KIAA0319: variants seen among roughly 807,000 people sequenced by gnomAD.
KIAA0319 encodes the protein KIAA0319.
A neutral mutation model predicts 108.4 loss-of-function variants in KIAA0319; 83 were observed. That is an observed-to-expected ratio of 0.77 (90% CI 0.64 to 0.92). The LOEUF (loss-of-function observed/expected upper bound fraction) is 0.92. Ranked by LOEUF, KIAA0319 falls within the 40% of genes least tolerant of loss-of-function variation. The pLI is 0.00. For synonymous variants in KIAA0319, 484 were observed against 510.4 expected (o/e 0.95, Z 0.70); for missense variants, 1,195 against 1,322.4 (o/e 0.90, Z 1.49).
intron 1 of KIAA0319, among the ~76,000 whole-genome samples, chr6:24,612,815 T>C (rs985212174): frequency 3.3e-5 from 5 of 152,140 alleles, no homozygotes; most frequent in Non-Finnish European, 4.4e-5. Flanking sequence ...GTTGTTGTTT[T>C]TGAGACTGAG....
intron 12 of KIAA0319, among the ~76,000 whole-genome samples, 193 bp from the exon 13 acceptor site, chr6:24,569,122 A>G (rs942758287): frequency 3.3e-5 from 5 of 152,236 alleles, no homozygotes; most frequent in African/African-American, 1.2e-4. Context: ...TATCTCAGGC[A>G]GAGTCTGCTG....
rs1301830573 is a variant in KIAA0319 at position 24,563,356 on chromosome 6, T to C, written c.2591+3A>G. On this transcript the variant is annotated splice_donor_region_variant and intron_variant, in intron 16 of 20. Coordinates refer to ENST00000378214, the MANE Select transcript of KIAA0319 (RefSeq NM_014809.4). ...GGCCCCGCCTTGAGTGTGCAGCTCCTACCTGAGATCCGAGTGGGCCCGAAT... is the reference window on the plus strand; with the variant it reads ...GGCCCCGCCTTGAGTGTGCAGCTCCCACCTGAGATCCGAGTGGGCCCGAAT... The C allele has an allele frequency of 4.3e-6, 7 of 1,611,548 alleles. No homozygotes were observed. Among genetic ancestry groups the C allele is most frequent in the Admixed American group, 1.7e-5 (1 of 59,858 alleles).
rs757441883 is a variant in KIAA0319, at chr6:24,580,993, G to A, written c.1212C>T (p.Val404=). 6 of 1,610,680 alleles carry A rather than the reference G, an allele frequency of 3.7e-6. No individual in the cohort carries two copies. The highest frequency in any genetic ancestry group is 4.2e-6 in the Non-Finnish European group (5 of 1,177,196). ...TTTCACTAGAAACAGTGACTTTGAA[G>A]ACATAAAGTCCGACGGACAACTGTA... is the stretch of plus-strand genomic sequence containing the variant. The part of the protein sequence containing the change: ...NLSQLSVGLY[V]FKVTVSSENA... Residue 404 remains valine (V), a synonymous_variant, in exon 7 of 21, where the codon GTC becomes GTT. Coordinates refer to ENST00000378214, the MANE Select transcript of KIAA0319 (RefSeq NM_014809.4).
At chr6:24,580,879 T>G in intron 7 of KIAA0319, 47 bp downstream of exon 7, 19 of 1,292,480 alleles carry the variant, frequency 1.5e-5, no homozygotes, top group Non-Finnish European at 1.9e-5. Context: ...CACCAAAAAT[T>G]GAGATAAATA....
intron 1 of KIAA0319, among the ~76,000 whole-genome samples, chr6:24,609,158 C>T (rs1039296567): frequency 6.7e-6 from 1 of 150,116 alleles, no homozygotes; most frequent in African/African-American, 2.5e-5. Flanking sequence ...ATCCCAGCTA[C>T]TCAGGAGGCT....
intron 16 of KIAA0319, among the ~76,000 whole-genome samples, chr6:24,562,756 T>C (rs973000549): frequency 6.6e-6 from 1 of 152,142 alleles, no homozygotes; most frequent in Non-Finnish European, 1.5e-5. Context: ...GGAGAATCAC[T>C]TGAATCTGAA....
chr6:24,631,896 GGCTGGAT>G (rs1457749329), intron 1 of KIAA0319, among the ~76,000 whole-genome samples: 1 of 152,236 alleles, frequency 6.6e-6, no homozygotes, highest in Non-Finnish European at 1.5e-5. Context: ...CAGGCCCAGA[GGCTGGAT>G]GCTTTCTATG....
At position 24,646,128 on chromosome 6, in the gene KIAA0319, G is replaced by A. The variant is rs910184235; in HGVS notation, c.-498C>T. ...AGGTGGAGCAAGGTTGCACCCCCGG[G>A]GGATCCCCGCCCACCGCCCGCGGCA... On this transcript the variant is annotated 5_prime_UTR_variant, in exon 1 of 21. Transcript: ENST00000378214. 15 of 152,164 alleles carry A rather than the reference G, an allele frequency of 9.9e-5. No individual in the cohort carries two copies. The highest frequency in any genetic ancestry group is 3.6e-4 in the African/African-American group (15 of 41,412). The allele number at this position is 152,164 out of a possible 1,614,324, so 9.4% of individuals were successfully genotyped here.
rs1405370672 is a variant in KIAA0319 at position 24,599,021 on chromosome 6, C to G, written c.55+2028G>C. The G allele has an allele frequency of 7.4e-5, 53 of 719,428 alleles. No individual in the cohort carries two copies. In the Admixed American group the frequency reaches 9.2e-4, roughly 12 times the overall value. The allele number at this position is 719,428 out of a possible 1,614,324, so 44.6% of individuals were successfully genotyped here. ...AAGGGCTGAATAACGAGATCAACTTCCTCAGGCAGCTGTATGAAGAGGAGA... is the reference window on the plus strand; with the variant it reads ...AAGGGCTGAATAACGAGATCAACTTGCTCAGGCAGCTGTATGAAGAGGAGA... On this transcript the variant is annotated intron_variant, in intron 2 of 20. Coordinates refer to ENST00000378214, the MANE Select transcript of KIAA0319 (RefSeq NM_014809.4). This position sits in a 1 kb window ranked among gnomAD's most constrained non-coding sequence, Gnocchi z 4.1.
chr6:24,608,020 G>A (rs975523588), intron 1 of KIAA0319, among the ~76,000 whole-genome samples: 7 of 151,984 alleles, frequency 4.6e-5, no homozygotes, highest in Admixed American at 2.0e-4. Flanking sequence ...TATCCACATC[G>A]CTTCAAATTC....
At chr6:24,640,843 G>A (rs972024227) in intron 1 of KIAA0319, among the ~76,000 whole-genome samples, 2 of 151,580 alleles carry the variant, frequency 1.3e-5, no homozygotes, top group Non-Finnish European at 1.5e-5. Context: ...TTGTGGAGAC[G>A]AGGTTTCACC....
At position 24,642,811 on chromosome 6, in the gene KIAA0319, C is replaced by T. The variant is rs369636983; in HGVS notation, c.-106+2925G>A. ...TGGGCTCACCGCAACCTCCGCCTCC[C>T]GGAGTTCAAGTGATTCGCCTGCCTC... On this transcript the variant is annotated intron_variant, in intron 1 of 20. Transcript: ENST00000378214. 2.5e-3 allele frequency among the ~76,000 whole-genome samples: 376 copies of T among 152,166 alleles called. 2 individuals carry two copies. The highest frequency in any genetic ancestry group is 8.5e-3 in the African/African-American group (354 of 41,518).
In KIAA0319 at chr6:24,599,451, A is replaced by G. The variant is rs1770270299; in HGVS notation, c.55+1598T>C. On this transcript the variant is annotated intron_variant, in intron 2 of 20. Coordinates refer to ENST00000378214, the MANE Select transcript of KIAA0319 (RefSeq NM_014809.4). This position sits in a 1 kb window ranked among gnomAD's most constrained non-coding sequence, Gnocchi z 4.1. The stretch of plus-strand genomic sequence containing the variant: ...CACCCTGCAGTGGGCCATGCAGGAC[A>G]TGGCATGGCAGCTGCATGAGTACCA... The G allele has an allele frequency of 7.2e-6, 4 of 552,018 alleles. No homozygotes were observed. Among genetic ancestry groups the G allele is most frequent in the African/African-American group, 3.8e-5 (2 of 53,152 alleles). 34.2% of individuals were successfully genotyped at this position (552,018 alleles called of 1,614,324 possible). A position where few individuals can be genotyped will look rare whatever the true frequency, so the allele number is the denominator to read the frequency against.
rs117030949 is a variant in KIAA0319, at chr6:24,546,377, G to A, written c.*788C>T. 8.6e-5 allele frequency: 13 copies of A among 152,006 alleles called. No homozygotes were observed. Among genetic ancestry groups the A allele is most frequent in the Admixed American group, 3.9e-4 (6 of 15,248 alleles). 9.4% of individuals were successfully genotyped at this position (152,006 alleles called of 1,614,324 possible). On this transcript the variant is annotated 3_prime_UTR_variant, in exon 21 of 21. Coordinates refer to ENST00000378214, the MANE Select transcript of KIAA0319 (RefSeq NM_014809.4). ...TGCATTTAATGTAAACTGGGGATCC[G>A]TTTACATTAGAGAACTATACTGCTA...
At chr6:24,578,044 G>A (rs2760157) in intron 9 of KIAA0319, 66 bp downstream of exon 9, 323,768 of 1,492,276 alleles carry the variant, frequency 0.22, 40,997 homozygotes, top group East Asian at 0.53. Context: ...TTTTATGTGC[G>A]TTAATTTAAA....
chr6:24,583,960 C>T (rs1321181955), intron 4 of KIAA0319, among the ~76,000 whole-genome samples: 3 of 152,112 alleles, frequency 2.0e-5, no homozygotes, highest in Non-Finnish European at 4.4e-5. Flanking sequence ...GACTGAGCAA[C>T]GTATTGAGTG....
At position 24,576,241 on chromosome 6, in the gene KIAA0319, G is replaced by A. The variant is rs558234165; in HGVS notation, c.1734+127C>T. ...GAGCTTAGGTCCTTTTCTAATAGTT[G>A]TAATAGATCAGATAACTTTACAAAA... On this transcript the variant is annotated intron_variant, in intron 10 of 20. Transcript: ENST00000378214. 1.2e-5 allele frequency: 9 copies of A among 751,964 alleles called. No homozygotes were observed. The East Asian group carries it at 2.1e-4, about 17-fold the overall frequency. The allele number at this position is 751,964 out of a possible 1,614,324, so 46.6% of individuals were successfully genotyped here.
Position 24,580,944 on chromosome 6 carries a change from T to C in KIAA0319, c.1261A>G (p.Asn421Asp). ...GGCTTACCAGGCTTAACAGTGACAT[T>C]GACAAATCCTTCTCCAAAGGCGTTT... ...SENAFGEGFV[N>D]VTVKPARRVN... is the part of the protein sequence containing the mutation. Residue 421 changes from asparagine (N) to aspartate (D), a missense_variant, in exon 7 of 21, where the codon AAT becomes GAT. Transcript: ENST00000378214. The C allele has an allele frequency of 1.2e-6, 2 of 1,611,412 alleles. No homozygotes were observed. The highest frequency in any genetic ancestry group is 1.7e-6 in the Non-Finnish European group (2 of 1,177,778).
Position 24,599,879 on chromosome 6 carries a change from C to T in KIAA0319, c.55+1170G>A. The stretch of plus-strand genomic sequence containing the variant: ...CCACTGTGCAGGGGAGCATAGGGAA[C>T]AGGAGACCCACCTGAGGCTCAGCGC... On this transcript the variant is annotated intron_variant, in intron 2 of 20. Transcript: ENST00000378214. The surrounding 1 kb of genome is among the most constrained non-coding windows in gnomAD (Gnocchi z 4.1). The T allele has an allele frequency of 2.8e-6, 1 of 358,230 alleles. No homozygotes were observed. Among genetic ancestry groups the T allele is most frequent in the Admixed American group, 3.9e-5 (1 of 25,844 alleles). The allele number at this position is 358,230 out of a possible 1,614,324, so 22.2% of individuals were successfully genotyped here.
Sources: gnomAD v4.1 joint callset for allele counts (sites outside exome capture counted in the v4.1 genomes callset) on GRCh38, gnomAD v4.1.1 for gene constraint, Gnocchi (gnomAD v3.1) non-coding constraint, MANE v1.5 for transcripts, NCBI Gene and HGNC (gene_info 2026-07-23, HGNC 2026-07-21) for gene names.